Variants in NRXN3 observed in about 807,000 individuals in gnomAD.
The protein encoded by NRXN3 is neurexin III.
A neutral mutation model predicts 137.6 loss-of-function variants in NRXN3; 32 were observed. The ratio of observed to expected loss-of-function variants is 0.23; its 90% CI spans 0.18 to 0.31. The LOEUF (loss-of-function observed/expected upper bound fraction) is 0.31. NRXN3 is among the 10% of genes least tolerant of loss of function. The pLI is 1.00. For synonymous variants in NRXN3, 798 were observed against 784.5 expected (o/e 1.02, Z -0.29); for missense variants, 1,574 against 2,062.5 (o/e 0.76, Z 4.59).
chr14:78,888,848 T>TTCTAGTTGGGAGAGTAATC, intron 10 of NRXN3, among the ~76,000 whole-genome samples: 1 of 146,422 alleles, frequency 6.8e-6, no homozygotes, highest in Middle Eastern at 3.5e-3. Flanking sequence ...ATCACACACA[T>TTCTAGTTGGGAGAGTAATC]ACACACACAC....
At chr14:79,711,531 G>A (rs1369676271) in intron 19 of NRXN3, among the ~76,000 whole-genome samples, 1 of 151,552 alleles carries the variant, frequency 6.6e-6, no homozygotes, top group East Asian at 1.9e-4. Flanking sequence ...TATTTCCCAG[G>A]TTGGTCTCAA....
At chr14:79,400,750 C>T (rs971914613) in intron 15 of NRXN3, among the ~76,000 whole-genome samples, 2 of 152,246 alleles carry the variant, frequency 1.3e-5, no homozygotes, top group East Asian at 3.9e-4. Context: ...TGTCAAAGAG[C>T]AGAGAACCGC....
chr14:79,198,005 A>T (rs1360244211), intron 15 of NRXN3, among the ~76,000 whole-genome samples: 1 of 152,166 alleles, frequency 6.6e-6, no homozygotes, highest in Non-Finnish European at 1.5e-5. Flanking sequence ...CTCTTTGCTC[A>T]TCTATAAGAA....
rs144480722 is a variant in NRXN3, at chr14:79,112,236, G to C, written c.3262+124095G>C. Among the ~76,000 whole-genome samples, 83 of 152,292 alleles carry C rather than the reference G, an allele frequency of 5.5e-4. 3 individuals carry two copies. The East Asian group carries it at 0.014, about 26-fold the overall frequency. On this transcript the variant is annotated intron_variant, in intron 15 of 20. Coordinates refer to ENST00000335750, the MANE Select transcript of NRXN3 (RefSeq NM_001330195.2). ...CTTTGCAGAACTAGCCCTTCTCTCT[G>C]GAGCTGTAGGCCTCTCTTCTTCCCA...
chr14:79,053,708 G>A (rs1053838118), intron 15 of NRXN3, among the ~76,000 whole-genome samples: 4 of 152,062 alleles, frequency 2.6e-5, no homozygotes, highest in Non-Finnish European at 5.9e-5. Flanking sequence ...TAATGTCTGT[G>A]ATGGTAAGGG....
At chr14:78,383,034 T>C (rs1317063044) in intron 4 of NRXN3, among the ~76,000 whole-genome samples, 1 of 152,148 alleles carries the variant, frequency 6.6e-6, no homozygotes, top group African/African-American at 2.4e-5. Flanking sequence ...CTCAGGTGCA[T>C]GGAATTGAAA....
intron 15 of NRXN3, among the ~76,000 whole-genome samples, chr14:79,161,132 C>G (rs12436711): frequency 0.035 from 5,248 of 151,850 alleles, 255 homozygotes; most frequent in East Asian, 0.23. Context: ...GACTTGAATT[C>G]CTATATTGAG....
intron 4 of NRXN3, among the ~76,000 whole-genome samples, chr14:78,536,681 A>G (rs1222514562): frequency 1.3e-5 from 2 of 152,006 alleles, no homozygotes; most frequent in Non-Finnish European, 2.9e-5. Flanking sequence ...ATAGGTATAC[A>G]TGTGCCATGT....
At chr14:79,717,800 G>T (rs2098828648) in intron 19 of NRXN3, among the ~76,000 whole-genome samples, 1 of 152,028 alleles carries the variant, frequency 6.6e-6, no homozygotes. Flanking sequence ...ATGTCTCTTA[G>T]ACCGTTAAAC....
intron 15 of NRXN3, among the ~76,000 whole-genome samples, chr14:79,398,340 A>G (rs764404399): frequency 6.6e-6 from 1 of 152,180 alleles, no homozygotes; most frequent in Non-Finnish European, 1.5e-5. Flanking sequence ...GTTCTTTGCA[A>G]GATGTTTTAA....
At chr14:79,806,938 T>TTATA (rs1296037210) in intron 20 of NRXN3, among the ~76,000 whole-genome samples, 1,420 of 58,028 alleles carry the variant, frequency 0.024, 55 homozygotes, top group Middle Eastern at 0.065. Flanking sequence ...GGCTTTAATT[T>TTATA]TATATATATA....
chr14:79,087,679 G>T (rs368306831), intron 15 of NRXN3, among the ~76,000 whole-genome samples: 2 of 152,164 alleles, frequency 1.3e-5, no homozygotes, highest in African/African-American at 4.8e-5. Flanking sequence ...TTCTCAGGAG[G>T]TCTAACTCAT....
chr14:78,617,775 C>G (rs933724296), intron 4 of NRXN3, among the ~76,000 whole-genome samples: 1 of 151,822 alleles, frequency 6.6e-6, no homozygotes, highest in Non-Finnish European at 1.5e-5. Context: ...ATCTGTGTTA[C>G]AAAACATACG....
intron 4 of NRXN3, among the ~76,000 whole-genome samples, chr14:78,592,421 G>C (rs993871947): frequency 6.6e-6 from 1 of 152,126 alleles, no homozygotes; most frequent in African/African-American, 2.4e-5. Context: ...TGCTCCCCAA[G>C]GGTCCAACAG....
At chr14:79,733,554 G>T (rs751003611) in intron 19 of NRXN3, among the ~76,000 whole-genome samples, 2 of 152,116 alleles carry the variant, frequency 1.3e-5, no homozygotes, top group East Asian at 3.9e-4. Context: ...TAACACGATC[G>T]GAGGTGTGAG....
chr14:79,488,815 A>G lies in NRXN3; in HGVS notation c.3444+21413A>G, dbSNP rs185882970. ...GTAGATTTAGGGACTTGAAGAAAGT[A>G]TAAGATTTTTAGAATGATCTCTTTG... On this transcript the variant is annotated intron_variant, in intron 16 of 20. Coordinates refer to ENST00000335750, the MANE Select transcript of NRXN3 (RefSeq NM_001330195.2). Among the ~76,000 whole-genome samples, 127 of 152,302 alleles carry G rather than the reference A, an allele frequency of 8.3e-4. 1 individual carries two copies. The highest frequency in any genetic ancestry group is 6.4e-3 in the Admixed American group (98 of 15,302).
In NRXN3 at chr14:78,219,569, C is replaced by T. The variant is rs888817993; in HGVS notation, c.-703-22822C>T. On this transcript the variant is annotated intron_variant, in intron 1 of 20. Coordinates refer to ENST00000335750, the MANE Select transcript of NRXN3 (RefSeq NM_001330195.2). ...TGACCTTGAACAAGTTACTTAGACT[C>T]GACGTCTTAATTTTCCCCACCTCTA... 3.3e-5 allele frequency among the ~76,000 whole-genome samples: 5 copies of T among 152,244 alleles called. No homozygotes were observed. In the East Asian group the frequency reaches 5.8e-4, roughly 18 times the overall value.
intron 16 of NRXN3, among the ~76,000 whole-genome samples, chr14:79,604,892 C>T (rs1305167635): frequency 6.6e-6 from 1 of 151,792 alleles, no homozygotes; most frequent in Non-Finnish European, 1.5e-5. Flanking sequence ...ATTAGCTGGG[C>T]ATGGTGGTGG....
At chr14:78,802,943 C>CA (rs927280310) in intron 8 of NRXN3, among the ~76,000 whole-genome samples, 7 of 151,684 alleles carry the variant, frequency 4.6e-5, no homozygotes, top group African/African-American at 1.2e-4. Context: ...GAGACTGTCT[C>CA]AAAAAAATAA....
Sources: allele counts gnomAD v4.1 joint callset (sites outside exome capture counted in the v4.1 genomes callset), GRCh38; gene constraint gnomAD v4.1.1; transcripts MANE v1.5; gene names NCBI Gene and HGNC (gene_info 2026-07-23, HGNC 2026-07-21).